GLB1L2: variants seen among roughly 807,000 people sequenced by gnomAD.
GLB1L2 encodes the protein galactosidase beta 1 like 2.
GLB1L2 carries 68 observed loss-of-function variants against 84.1 expected under a neutral mutation model. The observed-to-expected ratio is 0.81, with a 90% CI of 0.67 to 0.99. GLB1L2 has a LOEUF of 0.99. Among genes scored for constraint, GLB1L2 ranks in the 50% least tolerant of loss-of-function variants. The pLI is 0.00. For synonymous variants in GLB1L2, 290 were observed against 318.0 expected (o/e 0.91, Z 0.94); for missense variants, 762 against 805.6 (o/e 0.95, Z 0.66).
chr11:134,371,131 G>C lies in GLB1L2; in HGVS notation c.1339G>C (p.Val447Leu), dbSNP rs375722955. ...ITSSGILSGH[V>L]HDRGQVFVNT... ...CTCGTCTGGCATCCTCAGTGGCCAC[G>C]TGCATGATCGGGGGCAGGTAGGAGC... is the stretch of plus-strand genomic sequence containing the variant. The change falls in exon 13 of 19, where the codon GTG (valine) becomes CTG (leucine). Residue 447 changes from valine to leucine, a missense_variant. Physicochemically the swap from Val to Leu is conservative, Grantham distance 32. Coordinates refer to ENST00000535456, the MANE Select transcript of GLB1L2 (RefSeq NM_001370461.1). 6.2e-7 allele frequency: 1 copy of C among 1,614,198 alleles called. No homozygotes were observed. The highest frequency in any genetic ancestry group is 8.5e-7 in the Non-Finnish European group (1 of 1,180,038).
chr11:134,355,843 C>T (rs1255080448), intron 5 of GLB1L2, among the ~76,000 whole-genome samples: 1 of 152,190 alleles, frequency 6.6e-6, no homozygotes. Flanking sequence ...CAAGTTAGAA[C>T]ATCGTGAACA....
intron 10 of GLB1L2, 54 bp from the exon 11 acceptor site, chr11:134,369,751 A>C: frequency 2.0e-6 from 3 of 1,497,920 alleles, no homozygotes; most frequent in Non-Finnish European, 2.8e-6. Flanking sequence ...TCTTCGTGCT[A>C]CATGTGCTGT....
At chr11:134,344,057 C>A (rs1239241759) in intron 2 of GLB1L2, among the ~76,000 whole-genome samples, 1 of 152,224 alleles carries the variant, frequency 6.6e-6, no homozygotes, top group African/African-American at 2.4e-5. Context: ...ACCGAGCTTT[C>A]CCCTTACTCC....
intron 5 of GLB1L2, among the ~76,000 whole-genome samples, chr11:134,352,019 C>T (rs575527512): frequency 1.3e-5 from 2 of 152,032 alleles, no homozygotes; most frequent in South Asian, 2.1e-4. Flanking sequence ...GGAAGACTGG[C>T]GTTAATTTTT....
At chr11:134,343,579 T>C (rs895029408) in intron 2 of GLB1L2, among the ~76,000 whole-genome samples, 12 of 152,202 alleles carry the variant, frequency 7.9e-5, no homozygotes, top group Non-Finnish European at 1.6e-4. Flanking sequence ...GGCAAAAATA[T>C]GTGATTACAA....
rs200721051 is a variant in GLB1L2 at position 134,359,073 on chromosome 11, G to A, written c.665G>A (p.Arg222His). ...TTTCCCCCACAGGCACTGGAGGACC[G>A]TGGCATTGTGGAACTGCTCCTGACT... ...MPYVKKALED[R>H]GIVELLLTSD... Residue 222 changes from arginine to histidine, a missense_variant, in exon 7 of 19, where the codon CGT becomes CAT. This residue lies in a region of GLB1L2 where 603 missense variants were observed against 611.7 expected (regional missense o/e 0.99). Coordinates refer to ENST00000535456, the MANE Select transcript of GLB1L2 (RefSeq NM_001370461.1). The A allele has an allele frequency of 2.1e-5, 33 of 1,601,978 alleles. No homozygotes were observed. The highest frequency in any genetic ancestry group is 9.0e-5 in the South Asian group (8 of 88,898).
intron 9 of GLB1L2, among the ~76,000 whole-genome samples, chr11:134,367,604 G>A (rs1943882692): frequency 1.3e-5 from 2 of 152,178 alleles, no homozygotes; most frequent in South Asian, 4.1e-4. Flanking sequence ...TACAGAAAAA[G>A]TATAGAGAAG....
chr11:134,344,316 A>G (rs1442594918), intron 2 of GLB1L2, 71 bp from the exon 3 acceptor site: 4 of 1,577,756 alleles, frequency 2.5e-6, no homozygotes. Context: ...TTTTGGGCTA[A>G]AGAAGGTAAT....
intron 1 of GLB1L2, 128 bp downstream of exon 1, chr11:134,332,275 T>C: frequency 3.2e-6 from 2 of 619,116 alleles, no homozygotes; most frequent in Non-Finnish European, 5.5e-6. Flanking sequence ...TGCTTCTTTC[T>C]GGGAGCTCCC....
chr11:134,336,648 T>A (rs147996332), intron 1 of GLB1L2, among the ~76,000 whole-genome samples: 122 of 152,300 alleles, frequency 8.0e-4, no homozygotes, highest in African/African-American at 2.9e-3. Flanking sequence ...TGGATCAATG[T>A]AAAGGAGATT....
At chr11:134,372,769 C>G (rs561768251) in intron 15 of GLB1L2, among the ~76,000 whole-genome samples, 1 of 152,186 alleles carries the variant, frequency 6.6e-6, no homozygotes, top group Non-Finnish European at 1.5e-5. Flanking sequence ...AGGAAAGCCA[C>G]GTGGCCCAGA....
rs780056198 is a variant in GLB1L2 at position 134,364,335 on chromosome 11, C to T, written c.741C>T (p.Ala247=). 1 of 1,613,660 alleles carries T rather than the reference C, an allele frequency of 6.2e-7. No individual in the cohort carries two copies. The highest frequency in any genetic ancestry group is 8.5e-7 in the Non-Finnish European group (1 of 1,179,654). The change falls in exon 8 of 19, where the codon GCC becomes GCT. Residue 247 remains alanine (A), a synonymous_variant. Coordinates refer to ENST00000535456, the MANE Select transcript of GLB1L2 (RefSeq NM_001370461.1). ...TCCTCTTCCCTTTAACAGTCTTGGC[C>T]ACCATCAACTTGCAGTCAACACACG... ...LSKGIVQGVL[A]TINLQSTHEL...
chr11:134,367,371 T>C (rs753599609), intron 9 of GLB1L2, 30 bp downstream of exon 9: 2 of 1,566,658 alleles, frequency 1.3e-6, no homozygotes, highest in Non-Finnish European at 1.8e-6. Flanking sequence ...ACATCCAGAA[T>C]GTGTGCTACT....
In GLB1L2 at chr11:134,334,722, G is replaced by A. The variant is rs1297946103; in HGVS notation, c.86+2575G>A. Among the ~76,000 whole-genome samples, 2 of 152,052 alleles carry A rather than the reference G, an allele frequency of 1.3e-5. No individual in the cohort carries two copies. Among genetic ancestry groups the A allele is most frequent in the Non-Finnish European group, 2.9e-5 (2 of 68,012 alleles). On this transcript the variant is annotated intron_variant, in intron 1 of 18. Transcript: ENST00000535456. The surrounding 1 kb of genome is among the most constrained non-coding windows in gnomAD (Gnocchi z 4.1). ...GCTTTCCGACACGATATATTGGTTTGCATTTTCTAGTGTTTTATAGAATTG... is the reference window on the plus strand; with the variant it reads ...GCTTTCCGACACGATATATTGGTTTACATTTTCTAGTGTTTTATAGAATTG...
intron 16 of GLB1L2, 42 bp downstream of exon 16, chr11:134,373,850 A>C: frequency 7.2e-7 from 1 of 1,395,426 alleles, no homozygotes; most frequent in Non-Finnish European, 1.0e-6. Flanking sequence ...TCACAGGTAT[A>C]GTGCTGTGTG....
At chr11:134,363,972 GGTTCAA>G (rs1435202708) in intron 7 of GLB1L2, among the ~76,000 whole-genome samples, 1 of 152,176 alleles carries the variant, frequency 6.6e-6, no homozygotes, top group African/African-American at 2.4e-5. Flanking sequence ...CTGCCTCTTG[GGTTCAA>G]GTGATCCTCC....
rs3741100 is a variant in GLB1L2, at chr11:134,368,495, G to A, written c.890-149G>A. 4 of 741,064 alleles carry A rather than the reference G, an allele frequency of 5.4e-6. No individual in the cohort carries two copies. In the East Asian group the frequency reaches 7.5e-5, roughly 14 times the overall value. 45.9% of individuals were successfully genotyped at this position (741,064 alleles called of 1,614,324 possible). Reference sequence around the variant, plus strand: ...CCTCCACCCCTAATCTTCTGTGATTGGGGTTTTATGAGAGCTAGAAGGACA... The same window carrying A: ...CCTCCACCCCTAATCTTCTGTGATTAGGGTTTTATGAGAGCTAGAAGGACA... On this transcript the variant is annotated intron_variant, in intron 9 of 18. Coordinates refer to ENST00000535456, the MANE Select transcript of GLB1L2 (RefSeq NM_001370461.1).
intron 10 of GLB1L2, 36 bp downstream of exon 10, chr11:134,368,817 C>A: frequency 1.2e-6 from 2 of 1,609,708 alleles, no homozygotes; most frequent in Non-Finnish European, 1.7e-6. Flanking sequence ...CCTGGTCTGC[C>A]CTGCATGGGC....
intron 1 of GLB1L2, 111 bp downstream of exon 1, chr11:134,332,258 C>CTGGGGCTGCT: frequency 1.4e-6 from 1 of 702,044 alleles, no homozygotes; most frequent in Non-Finnish European, 2.3e-6. Flanking sequence ...GGGGGAGCAG[C>CTGGGGCTGCT]CCCAGCTGCT....
Sources: gnomAD v4.1 joint callset for allele counts (sites outside exome capture counted in the v4.1 genomes callset) on GRCh38, gnomAD v4.1.1 for gene constraint, gnomAD v4.1.1 regional missense constraint, Gnocchi (gnomAD v3.1) non-coding constraint, MANE v1.5 for transcripts, NCBI Gene and HGNC (gene_info 2026-07-23, HGNC 2026-07-21) for gene names.